The following LRRC7 variants were observed in gnomAD, a reference collection of about 807,000 sequenced individuals.
LRRC7 encodes leucine rich repeat containing 7.
LRRC7 carries 23 observed loss-of-function variants against 175.7 expected under a neutral mutation model. That is an observed-to-expected ratio of 0.13 (90% confidence interval 0.09 to 0.19). The LOEUF is 0.19. LRRC7 is among the 10% of genes least tolerant of loss of function. The pLI, the probability that LRRC7 is intolerant of heterozygous loss-of-function variation, is 1.00. For synonymous variants in LRRC7, 685 were observed against 680.9 expected (o/e 1.01, Z -0.09); for missense variants, 1,354 against 1,904.7 (o/e 0.71, Z 5.38).
At chr1:70,011,739 T>C in intron 11 of LRRC7, 58 bp from the exon 12 acceptor site, 1 of 1,280,896 alleles carries the variant, frequency 7.8e-7, no homozygotes, top group African/African-American at 1.5e-5. Context: ...TGTGGCTTTT[T>C]CAAAACATTT....
Position 70,130,922 on chromosome 1 carries a change from A to T in LRRC7, c.*9035A>T, listed in dbSNP as rs574668685. On this transcript the variant is annotated 3_prime_UTR_variant, in exon 27 of 27. Transcript: ENST00000651989. Reference sequence around the variant, plus strand: ...TGCTGCCCGTCCTTTAAGTAGATAAAAGAATAGTCTGTCTACAGGCTGTTG... The same window carrying T: ...TGCTGCCCGTCCTTTAAGTAGATAATAGAATAGTCTGTCTACAGGCTGTTG... Among the ~76,000 whole-genome samples, 150 of 152,296 alleles carry T rather than the reference A, an allele frequency of 9.8e-4. 1 individual carries two copies. The highest frequency in any genetic ancestry group is 3.4e-3 in the Middle Eastern group (1 of 294).
intron 8 of LRRC7, among the ~76,000 whole-genome samples, chr1:69,934,503 G>T (rs866197405): frequency 1.8e-4 from 10 of 56,472 alleles, no homozygotes; most frequent in African/African-American, 4.0e-4. Flanking sequence ...GCGGGGGGGG[G>T]GCGGGGGGTG....
At chr1:69,793,436 T>C (rs537797843) in intron 4 of LRRC7, among the ~76,000 whole-genome samples, 9 of 152,220 alleles carry the variant, frequency 5.9e-5, no homozygotes, top group African/African-American at 1.9e-4. Context: ...TTGGTGCCTT[T>C]AGAGCTCCAT....
chr1:69,994,713 A>ATT, intron 11 of LRRC7, 80 bp downstream of exon 11: 1 of 883,950 alleles, frequency 1.1e-6, no homozygotes. Flanking sequence ...AATTCAAAAC[A>ATT]TTTTCTACTA....
At chr1:69,699,095 C>A (rs1662998610) in intron 2 of LRRC7, among the ~76,000 whole-genome samples, 1 of 152,036 alleles carries the variant, frequency 6.6e-6, no homozygotes, top group South Asian at 2.1e-4. Flanking sequence ...ACTAGTTCAA[C>A]CATTGTGGAA....
intron 2 of LRRC7, among the ~76,000 whole-genome samples, chr1:69,728,230 C>T (rs1256907703): frequency 2.0e-5 from 3 of 152,140 alleles, no homozygotes; most frequent in Admixed American, 2.0e-4. Context: ...ACAACCCCCA[C>T]TCACACTCTC....
intron 7 of LRRC7, among the ~76,000 whole-genome samples, chr1:69,892,726 G>A (rs1266291623): frequency 6.6e-6 from 1 of 152,132 alleles, no homozygotes; most frequent in African/African-American, 2.4e-5. Flanking sequence ...ACTGAGTGAG[G>A]TATGTGTTGT....
chr1:69,708,966 A>G (rs1256262866), intron 2 of LRRC7, among the ~76,000 whole-genome samples: 1 of 152,208 alleles, frequency 6.6e-6, no homozygotes, highest in Non-Finnish European at 1.5e-5. Context: ...TATTCCTTCT[A>G]TGAAAATAAG....
chr1:69,743,842 A>C (rs1668975744), intron 2 of LRRC7, among the ~76,000 whole-genome samples: 1 of 151,872 alleles, frequency 6.6e-6, no homozygotes, highest in Non-Finnish European at 1.5e-5. Context: ...CAGTTTTATG[A>C]GACTTACTTG....
At chr1:69,695,609 T>C (rs1441696604) in intron 2 of LRRC7, among the ~76,000 whole-genome samples, 2 of 152,170 alleles carry the variant, frequency 1.3e-5, no homozygotes, top group African/African-American at 4.8e-5. Flanking sequence ...TCAGAAATCT[T>C]TGAGGCAGAC....
intron 1 of LRRC7, among the ~76,000 whole-genome samples, 192 bp downstream of exon 1, chr1:69,568,833 G>T (rs985055113): frequency 1.8e-4 from 27 of 152,192 alleles, no homozygotes; most frequent in Admixed American, 3.3e-4. Flanking sequence ...AGGTTGCAGA[G>T]CATTTGGAAA....
intron 2 of LRRC7, among the ~76,000 whole-genome samples, chr1:69,720,825 T>C (rs1404375087): frequency 6.6e-6 from 1 of 151,678 alleles, no homozygotes; most frequent in African/African-American, 2.4e-5. Flanking sequence ...GTTTAAATAT[T>C]TTTAAATATT....
At chr1:69,933,880 G>T (rs2101777786) in intron 8 of LRRC7, among the ~76,000 whole-genome samples, 1 of 152,146 alleles carries the variant, frequency 6.6e-6, no homozygotes, top group African/African-American at 2.4e-5. Flanking sequence ...CTTTTATTTT[G>T]TGTTATGCCA....
At chr1:69,793,307 A>G (rs1675337676) in intron 4 of LRRC7, among the ~76,000 whole-genome samples, 3 of 152,158 alleles carry the variant, frequency 2.0e-5, no homozygotes, top group Admixed American at 1.3e-4. Context: ...TGATAACCAG[A>G]TAGGACCAAA....
chr1:69,885,377 C>T (rs1687074462), intron 7 of LRRC7, among the ~76,000 whole-genome samples: 1 of 146,624 alleles, frequency 6.8e-6, no homozygotes, highest in African/African-American at 2.6e-5. Context: ...TTATCCATTT[C>T]TTCTAGATTT....
At chr1:69,620,025 A>AT (rs1391574437) in intron 1 of LRRC7, among the ~76,000 whole-genome samples, 3 of 152,218 alleles carry the variant, frequency 2.0e-5, no homozygotes, top group African/African-American at 7.2e-5. Flanking sequence ...GTGTCATATC[A>AT]AAGAAGAATA....
chr1:69,681,758 A>G lies in LRRC7; in HGVS notation c.100+3280A>G, dbSNP rs1570331877. On this transcript the variant is annotated intron_variant, in intron 2 of 26. Transcript: ENST00000651989. The stretch of plus-strand genomic sequence containing the variant: ...AGAGTTATCTACACTCACTCCATTT[A>G]CTTGCCTCCCACTCACTCCTCCAAA... Among the ~76,000 whole-genome samples, 5 of 152,256 alleles carry G rather than the reference A, an allele frequency of 3.3e-5. No individual in the cohort carries two copies. In the South Asian group the frequency reaches 8.3e-4, roughly 25 times the overall value.
At chr1:69,691,407 C>T (rs1661840359) in intron 2 of LRRC7, among the ~76,000 whole-genome samples, 1 of 151,992 alleles carries the variant, frequency 6.6e-6, no homozygotes, top group Non-Finnish European at 1.5e-5. Flanking sequence ...ACAGACGCAT[C>T]CTATTTATCT....
rs544266277 is a variant in LRRC7 at position 69,651,919 on chromosome 1, G to A, written c.3-26462G>A. Among the ~76,000 whole-genome samples, 3 of 152,208 alleles carry A rather than the reference G, an allele frequency of 2.0e-5. No homozygotes were observed. In the South Asian group the frequency reaches 6.2e-4, roughly 32 times the overall value. On this transcript the variant is annotated intron_variant, in intron 1 of 26. Coordinates refer to ENST00000651989, the MANE Select transcript of LRRC7 (RefSeq NM_001370785.2). ...GGAGGCCCACTGAGAACAAGAAGAG[G>A]AGGGCATGGCTTGGTCCAGTCAGCA...
Sources: gnomAD v4.1 joint callset for allele counts (sites outside exome capture counted in the v4.1 genomes callset) on GRCh38, gnomAD v4.1.1 for gene constraint, MANE v1.5 for transcripts, NCBI Gene and HGNC (gene_info 2026-07-23, HGNC 2026-07-21) for gene names.